Variants in CCSER1 observed in about 807,000 individuals in gnomAD.
CCSER1 encodes serine-rich coiled-coil domain-containing protein 1.
CCSER1 carries 41 observed loss-of-function variants against 82.0 expected under a neutral mutation model. The observed-to-expected ratio is 0.50, with a 90% CI of 0.39 to 0.65. The LOEUF is 0.65. Ranked by LOEUF, CCSER1 falls within the 30% of genes least tolerant of loss-of-function variation. The pLI, the probability that CCSER1 is intolerant of heterozygous loss-of-function variation, is 0.00. For synonymous variants in CCSER1, 414 were observed against 383.9 expected (o/e 1.08, Z -0.92); for missense variants, 1,119 against 1,064.2 (o/e 1.05, Z -0.72).
chr4:90,149,872 G>T (rs555357678), intron 1 of CCSER1, among the ~76,000 whole-genome samples: 15 of 152,158 alleles, frequency 9.9e-5, no homozygotes, highest in African/African-American at 3.4e-4. Context: ...GTATGTAAAA[G>T]CAATCATTTA....
chr4:90,987,254 A>G (rs768373579), intron 9 of CCSER1, among the ~76,000 whole-genome samples: 3 of 151,040 alleles, frequency 2.0e-5, no homozygotes, highest in Non-Finnish European at 4.4e-5. Context: ...TAGTATTCAG[A>G]ACAGTGTCTT....
At chr4:90,826,124 T>C (rs1451052203) in intron 8 of CCSER1, among the ~76,000 whole-genome samples, 1 of 152,212 alleles carries the variant, frequency 6.6e-6, no homozygotes, top group African/African-American at 2.4e-5. Flanking sequence ...TTCCTTATTA[T>C]GCCCAATAAA....
At chr4:91,411,941 C>T (rs1753077341) in intron 10 of CCSER1, among the ~76,000 whole-genome samples, 1 of 151,850 alleles carries the variant, frequency 6.6e-6, no homozygotes, top group South Asian at 2.1e-4. Flanking sequence ...CCAGTGTAAT[C>T]CTTGGACCCT....
At chr4:91,211,993 C>T (rs1736856451) in intron 10 of CCSER1, among the ~76,000 whole-genome samples, 1 of 152,166 alleles carries the variant, frequency 6.6e-6, no homozygotes, top group South Asian at 2.1e-4. Context: ...TTTCAAATTT[C>T]ATCAGTTATG....
chr4:90,153,775 G>A (rs1727406758), intron 1 of CCSER1, among the ~76,000 whole-genome samples: 2 of 152,104 alleles, frequency 1.3e-5, no homozygotes, highest in South Asian at 4.2e-4. Flanking sequence ...GTAGATTCTG[G>A]ATATTAGCCG....
In CCSER1 at chr4:90,614,686, G is replaced by T. The variant is rs190989393; in HGVS notation, c.1725-13339G>T. On this transcript the variant is annotated intron_variant, in intron 5 of 10. Transcript: ENST00000509176. ...TGAGAGAGGTGAAAAAGCTGCTGAA[G>T]AAAAGCTGGAAACTAGCAGGGGTTG... 7.2e-4 allele frequency among the ~76,000 whole-genome samples: 109 copies of T among 152,270 alleles called. 1 individual carries two copies. The South Asian group carries it at 0.011, about 15-fold the overall frequency.
At chr4:91,451,385 A>C (rs775868382) in intron 10 of CCSER1, among the ~76,000 whole-genome samples, 1 of 152,000 alleles carries the variant, frequency 6.6e-6, no homozygotes, top group Non-Finnish European at 1.5e-5. Flanking sequence ...GCATCATACT[A>C]TTTCCAACTA....
intron 10 of CCSER1, among the ~76,000 whole-genome samples, chr4:91,186,003 G>T (rs924771911): frequency 1.3e-4 from 20 of 152,114 alleles, no homozygotes; most frequent in Non-Finnish European, 2.5e-4. Context: ...CTGTTGATCT[G>T]GGGGGTGTAT....
chr4:91,292,444 G>C (rs1264341611), intron 10 of CCSER1, among the ~76,000 whole-genome samples: 4 of 151,860 alleles, frequency 2.6e-5, no homozygotes, highest in Non-Finnish European at 5.9e-5. Context: ...GCTTACGCTA[G>C]ATTACTCAGA....
chr4:90,842,885 T>G (rs2149883066), intron 8 of CCSER1, among the ~76,000 whole-genome samples: 1 of 150,138 alleles, frequency 6.7e-6, no homozygotes, highest in Admixed American at 6.6e-5. Context: ...TCCCAAAAAT[T>G]TACAGTTTTT....
At chr4:90,249,260 A>T (rs1460873368) in intron 1 of CCSER1, among the ~76,000 whole-genome samples, 1 of 152,170 alleles carries the variant, frequency 6.6e-6, no homozygotes, top group Admixed American at 6.6e-5. Flanking sequence ...GGCTACCTTT[A>T]GAGATTACTA....
intron 8 of CCSER1, among the ~76,000 whole-genome samples, chr4:90,858,313 A>G (rs1476616049): frequency 6.6e-6 from 1 of 152,110 alleles, no homozygotes; most frequent in Non-Finnish European, 1.5e-5. Flanking sequence ...GTAAAATTTC[A>G]TCACAAATCG....
At chr4:91,074,495 G>C (rs1721755643) in intron 9 of CCSER1, among the ~76,000 whole-genome samples, 1 of 152,174 alleles carries the variant, frequency 6.6e-6, no homozygotes, top group South Asian at 2.1e-4. Flanking sequence ...TTTTATAGCT[G>C]TGGAACCTGG....
chr4:90,850,375 C>A (rs757303923), intron 8 of CCSER1, among the ~76,000 whole-genome samples: 11 of 152,174 alleles, frequency 7.2e-5, no homozygotes, highest in Non-Finnish European at 1.3e-4. Context: ...CATAGATCCA[C>A]CAACAGCTTG....
intron 6 of CCSER1, among the ~76,000 whole-genome samples, chr4:90,700,647 C>T (rs886465016): frequency 6.6e-6 from 1 of 152,128 alleles, no homozygotes; most frequent in African/African-American, 2.4e-5. Flanking sequence ...CTCTCCAGCA[C>T]CTGTTGTTTC....
Position 90,702,551 on chromosome 4 carries a change from C to A in CCSER1, c.1933-21363C>A, listed in dbSNP as rs183874548. 4.7e-4 allele frequency among the ~76,000 whole-genome samples: 72 copies of A among 152,240 alleles called. 1 individual carries two copies. The East Asian group carries it at 0.011, about 24-fold the overall frequency. ...GGAATCATTTCAGAAGGAATGGTAC[C>A]AGCTCCTCCTTGTACCACTGCTAGA... On this transcript the variant is annotated intron_variant, in intron 6 of 10. Transcript: ENST00000509176.
intron 10 of CCSER1, among the ~76,000 whole-genome samples, chr4:91,264,971 C>T (rs1029539113): frequency 3.3e-5 from 5 of 151,708 alleles, no homozygotes; most frequent in Non-Finnish European, 7.4e-5. Flanking sequence ...GTTTTTCTTT[C>T]TGTTGTTTGG....
intron 10 of CCSER1, among the ~76,000 whole-genome samples, chr4:91,097,943 G>T (rs1203917555): frequency 6.6e-6 from 1 of 152,136 alleles, no homozygotes; most frequent in Non-Finnish European, 1.5e-5. Flanking sequence ...ATTACAGTGT[G>T]CTGATTCTCC....
At chr4:90,267,556 G>A (rs1578846891) in intron 1 of CCSER1, among the ~76,000 whole-genome samples, 1 of 152,132 alleles carries the variant, frequency 6.6e-6, no homozygotes, top group African/African-American at 2.4e-5. Context: ...TCTGGCTTCG[G>A]GTCTGACCCA....
Sources: gnomAD v4.1 joint callset for allele counts (sites outside exome capture counted in the v4.1 genomes callset) on GRCh38, gnomAD v4.1.1 for gene constraint, MANE v1.5 for transcripts, NCBI Gene and HGNC (gene_info 2026-07-23, HGNC 2026-07-21) for gene names.